Variants in CASK observed in about 807,000 individuals in gnomAD.
CASK encodes the protein calcium/calmodulin dependent serine protein kinase, also known as peripheral plasma membrane protein CASK.
CASK carries 4 observed loss-of-function variants against 82.9 expected under a neutral mutation model. The observed-to-expected ratio is 0.05, with a 90% CI of 0.02 to 0.11. CASK has a LOEUF of 0.11. Ranked by LOEUF, CASK falls within the 10% of genes least tolerant of loss-of-function variation. The pLI, the probability that CASK is intolerant of heterozygous loss-of-function variation, is 1.00. For synonymous variants in CASK, 259 were observed against 253.5 expected (o/e 1.02, Z -0.20); for missense variants, 358 against 720.9 (o/e 0.50, Z 5.76).
At chrX:41,702,443 A>G (rs755602263) in intron 5 of CASK, among the ~76,000 whole-genome samples, 30 of 110,457 alleles carry the variant, frequency 2.7e-4, no homozygotes, top group Admixed American at 9.6e-5. Context: ...ATTGCCATTA[A>G]TATGTATTGG....
intron 9 of CASK, among the ~76,000 whole-genome samples, chrX:41,633,600 TTTTTTA>T (rs769581307): frequency 9.1e-6 from 1 of 109,444 alleles, no homozygotes; most frequent in African/African-American, 3.3e-5. Context: ...AGGATTCTTT[TTTTTTA>T]TTTTTTTTTA....
chrX:41,771,524 G>T (rs999398433), intron 3 of CASK, among the ~76,000 whole-genome samples: 54 of 111,514 alleles, frequency 4.8e-4, no homozygotes, highest in African/African-American at 1.7e-3. Flanking sequence ...TTAAATACAT[G>T]AAAAACATAG....
At chrX:41,794,130 A>G (rs1264384586) in intron 2 of CASK, among the ~76,000 whole-genome samples, 1 of 112,308 alleles carries the variant, frequency 8.9e-6, no homozygotes, top group African/African-American at 3.2e-5. Flanking sequence ...ACACACAAAC[A>G]GAAATCCAAG....
At chrX:41,623,285 T>C (rs1039045221) in intron 10 of CASK, among the ~76,000 whole-genome samples, 1 of 112,481 alleles carries the variant, frequency 8.9e-6, no homozygotes, top group Admixed American at 9.4e-5. Context: ...TAGAAAATTA[T>C]CATTTATAGA....
chrX:41,649,850 G>T (rs186001782), intron 8 of CASK, among the ~76,000 whole-genome samples: 2 of 111,119 alleles, frequency 1.8e-5, no homozygotes, highest in Admixed American at 1.9e-4. Context: ...TGACAGTGGG[G>T]TGTTAAAGTC....
chrX:41,723,838 A>G (rs1293637083), intron 5 of CASK, among the ~76,000 whole-genome samples: 1 of 112,192 alleles, frequency 8.9e-6, no homozygotes, highest in African/African-American at 3.2e-5. Context: ...TCCACAAACA[A>G]TTTTACAAAC....
intron 5 of CASK, among the ~76,000 whole-genome samples, chrX:41,734,375 G>T (rs1032940220): frequency 9.0e-6 from 1 of 111,347 alleles, no homozygotes; most frequent in African/African-American, 3.3e-5. Context: ...TCAGTGCTTA[G>T]TAGAGCCCAT....
intron 2 of CASK, among the ~76,000 whole-genome samples, chrX:41,797,971 T>G (rs968986907): frequency 4.5e-5 from 5 of 112,286 alleles, no homozygotes; most frequent in Non-Finnish European, 3.8e-5. Flanking sequence ...TACTACTGAA[T>G]GCACTTGTTT....
intron 2 of CASK, among the ~76,000 whole-genome samples, chrX:41,828,863 C>A (rs1246368792): frequency 8.9e-6 from 1 of 112,272 alleles, no homozygotes; most frequent in Non-Finnish European, 1.9e-5. Context: ...TACATGGAGT[C>A]ACTCTGTCTC....
chrX:41,606,380 C>T (rs767634371), intron 12 of CASK, among the ~76,000 whole-genome samples: 6 of 112,218 alleles, frequency 5.3e-5, no homozygotes, highest in Non-Finnish European at 1.1e-4. Flanking sequence ...ATTCTCCTGC[C>T]TCAGCCTCCT....
In CASK at chrX:41,801,823, A is replaced by T. The variant is rs151175675; in HGVS notation, c.173-14540T>A. Among the ~76,000 whole-genome samples, 140 of 111,601 alleles carry T rather than the reference A, an allele frequency of 1.3e-3. 2 individuals carry two copies. Among genetic ancestry groups the T allele is most frequent in the African/African-American group, 4.4e-3 (136 of 30,710 alleles). On this transcript the variant is annotated intron_variant, in intron 2 of 26. Coordinates refer to ENST00000378163, the MANE Select transcript of CASK (RefSeq NM_001367721.1). ...GTGCTGTACTCAAACAAGAGGATTAACTGGAAAGTTCCATGTATTAAACAT... is the reference window on the plus strand; with the variant it reads ...GTGCTGTACTCAAACAAGAGGATTATCTGGAAAGTTCCATGTATTAAACAT...
At chrX:41,721,352 A>T (rs1224465441) in intron 5 of CASK, among the ~76,000 whole-genome samples, 1 of 111,782 alleles carries the variant, frequency 8.9e-6, no homozygotes, top group Non-Finnish European at 1.9e-5. Flanking sequence ...ATATATTTCA[A>T]TTGGGGAACT....
chrX:41,558,974 G>A (rs1216309328), intron 18 of CASK: 5 of 111,482 alleles, frequency 4.5e-5, no homozygotes, highest in East Asian at 5.6e-4. Flanking sequence ...ACATACTCTC[G>A]GAAGATGCAC....
At chrX:41,557,711 T>C (rs1286400033) in intron 18 of CASK, among the ~76,000 whole-genome samples, 1 of 111,211 alleles carries the variant, frequency 9.0e-6, no homozygotes, top group Admixed American at 9.6e-5. Flanking sequence ...CCTATAACAA[T>C]ATTACACTTC....
At chrX:41,549,072 T>C (rs1041821053) in intron 21 of CASK, among the ~76,000 whole-genome samples, 1 of 110,813 alleles carries the variant, frequency 9.0e-6, no homozygotes, top group Non-Finnish European at 1.9e-5. Flanking sequence ...GATGACAGAG[T>C]CCGGGAGCTA....
intron 1 of CASK, among the ~76,000 whole-genome samples, chrX:41,901,703 G>A (rs1451567250): frequency 9.0e-6 from 1 of 111,034 alleles, no homozygotes; most frequent in Non-Finnish European, 1.9e-5. Context: ...CTCAATCCTG[G>A]TGTGCATGGG....
intron 16 of CASK, among the ~76,000 whole-genome samples, chrX:41,566,923 A>AAATAATGCC (rs1213666448): frequency 1.2e-3 from 133 of 112,128 alleles, no homozygotes; most frequent in African/African-American, 4.2e-3. Context: ...GAGGCCTCAG[A>AAATAATGCC]AATAATGCCA....
intron 6 of CASK, among the ~76,000 whole-genome samples, chrX:41,666,914 T>C (rs1487633466): frequency 9.0e-6 from 1 of 111,437 alleles, no homozygotes; most frequent in Non-Finnish European, 1.9e-5. Context: ...CACTGGAGAA[T>C]TAGCCTTGTT....
intron 1 of CASK, among the ~76,000 whole-genome samples, chrX:41,854,664 A>G (rs773353378): frequency 1.8e-5 from 2 of 112,362 alleles, no homozygotes; most frequent in Non-Finnish European, 3.8e-5. Context: ...TTAGACTTAA[A>G]CATTTATCCA....
Sources: allele counts gnomAD v4.1 joint callset (sites outside exome capture counted in the v4.1 genomes callset), GRCh38; gene constraint gnomAD v4.1.1; transcripts MANE v1.5; gene names NCBI Gene and HGNC (gene_info 2026-07-23, HGNC 2026-07-21).